The following MACROD2 variants were observed in gnomAD, a reference collection of about 807,000 sequenced individuals.
MACROD2 encodes ADP-ribose glycohydrolase MACROD2.
In MACROD2, 36 loss-of-function variants were observed where a neutral mutation model predicts 70.4. The ratio of observed to expected loss-of-function variants is 0.51; its 90% confidence interval spans 0.39 to 0.68. MACROD2 has a LOEUF of 0.68. MACROD2 is among the 30% of genes least tolerant of loss of function. The pLI, the probability that MACROD2 is intolerant of heterozygous loss-of-function variation, is 0.00. For missense variants in MACROD2, 496 were observed against 538.4 expected, an observed-to-expected ratio of 0.92 and a Z score of 0.78; for synonymous variants, 172 against 178.8, an observed-to-expected ratio of 0.96 and a Z score of 0.30.
At chr20:14,766,637 G>GA (rs2072093350) in intron 5 of MACROD2, among the ~76,000 whole-genome samples, 1 of 152,060 alleles carries the variant, frequency 6.6e-6, no homozygotes, top group African/African-American at 2.4e-5. Context: ...GAAAGAAAAA[G>GA]AAAAATGGTT....
At chr20:14,978,171 T>C (rs929767583) in intron 5 of MACROD2, among the ~76,000 whole-genome samples, 2 of 152,140 alleles carry the variant, frequency 1.3e-5, no homozygotes, top group African/African-American at 4.8e-5. Flanking sequence ...ATCAACTGTT[T>C]AAGTGAGAAG....
intron 2 of MACROD2, among the ~76,000 whole-genome samples, chr20:14,049,841 T>G (rs2053539745): frequency 6.6e-6 from 1 of 151,922 alleles, no homozygotes; most frequent in African/African-American, 2.4e-5. Context: ...CCCAGCTCTT[T>G]GGGAGGCCGA....
chr20:15,469,262 A>T (rs1175486572), intron 7 of MACROD2, among the ~76,000 whole-genome samples: 1 of 152,222 alleles, frequency 6.6e-6, no homozygotes, highest in East Asian at 1.9e-4. Flanking sequence ...GTCAGAGATG[A>T]GCAAAAGAAA....
chr20:14,325,738 C>G, intron 3 of MACROD2: 1 of 1,613,912 alleles, frequency 6.2e-7, no homozygotes, highest in Non-Finnish European at 8.5e-7. Context: ...AGAAGTTTCC[C>G]TGATTTCCAG....
intron 5 of MACROD2, among the ~76,000 whole-genome samples, chr20:15,177,684 G>A (rs959507034): frequency 6.6e-6 from 1 of 152,146 alleles, no homozygotes; most frequent in Non-Finnish European, 1.5e-5. Flanking sequence ...AAATGCACCT[G>A]TACAATTTAC....
chr20:15,873,397 G>T (rs1485523677), intron 9 of MACROD2, among the ~76,000 whole-genome samples: 1 of 152,068 alleles, frequency 6.6e-6, no homozygotes, highest in African/African-American at 2.4e-5. Flanking sequence ...TGAAAAAAAG[G>T]TAATTAATGG....
chr20:14,599,267 A>G (rs371792315), intron 4 of MACROD2, among the ~76,000 whole-genome samples: 6 of 152,302 alleles, frequency 3.9e-5, no homozygotes, highest in Non-Finnish European at 5.9e-5. Context: ...GTTGTGCCCT[A>G]TTAAAATGCA....
intron 2 of MACROD2, among the ~76,000 whole-genome samples, chr20:14,004,016 A>C (rs1442821556): frequency 6.6e-6 from 1 of 152,192 alleles, no homozygotes; most frequent in East Asian, 1.9e-4. Context: ...CTACAGGTCG[A>C]GTATCCCTTA....
intron 3 of MACROD2, among the ~76,000 whole-genome samples, chr20:14,179,296 T>G (rs2081288627): frequency 6.6e-6 from 1 of 152,218 alleles, no homozygotes; most frequent in African/African-American, 2.4e-5. Flanking sequence ...ATGTTACTAT[T>G]TCTGAGATTT....
intron 15 of MACROD2, among the ~76,000 whole-genome samples, chr20:16,033,593 A>G (rs896637544): frequency 3.3e-5 from 5 of 152,090 alleles, no homozygotes. Flanking sequence ...CATTTATGAT[A>G]GTCAGTCATT....
chr20:14,589,935 T>G (rs1285094836), intron 4 of MACROD2, among the ~76,000 whole-genome samples: 1 of 152,212 alleles, frequency 6.6e-6, no homozygotes, highest in Non-Finnish European at 1.5e-5. Context: ...CTGTGAGACA[T>G]GTGCTTTGAG....
At chr20:14,797,071 C>G (rs2072518322) in intron 5 of MACROD2, among the ~76,000 whole-genome samples, 1 of 152,008 alleles carries the variant, frequency 6.6e-6, no homozygotes, top group East Asian at 1.9e-4. Context: ...TATACTCTCC[C>G]TTGCTACCAT....
chr20:14,766,404 G>A lies in MACROD2; in HGVS notation c.418+81445G>A, dbSNP rs191545737. On this transcript the variant is annotated intron_variant, in intron 5 of 17. Transcript: ENST00000684519. ...GAATCCCAGTGATAGTGCTGGAAGTGCTGATAAAGTGAACACTTGGTGGTA... is the reference window on the plus strand; with the variant it reads ...GAATCCCAGTGATAGTGCTGGAAGTACTGATAAAGTGAACACTTGGTGGTA... Among the ~76,000 whole-genome samples, 247 of 152,230 alleles carry A rather than the reference G, an allele frequency of 1.6e-3. 1 individual carries two copies. Among genetic ancestry groups the A allele is most frequent in the African/African-American group, 5.5e-3 (230 of 41,506 alleles).
intron 2 of MACROD2, among the ~76,000 whole-genome samples, chr20:14,065,039 G>A (rs1162865327): frequency 3.3e-5 from 5 of 152,150 alleles, no homozygotes; most frequent in Non-Finnish European, 5.9e-5. Flanking sequence ...GCAGAGATTA[G>A]CATTATTTAA....
intron 12 of MACROD2, among the ~76,000 whole-genome samples, chr20:15,948,311 C>A (rs1430952829): frequency 6.9e-6 from 1 of 144,130 alleles, no homozygotes; most frequent in Non-Finnish European, 1.5e-5. Context: ...GCATATAAAC[C>A]CAGGCATTCG....
At chr20:15,598,659 G>A (rs17694374) in intron 8 of MACROD2, among the ~76,000 whole-genome samples, 11,345 of 152,216 alleles carry the variant, frequency 0.075, 590 homozygotes, top group Non-Finnish European at 0.11. Context: ...GCATTCAGAG[G>A]GAAGATAAGC....
At chr20:15,616,365 A>G (rs1386099042) in intron 8 of MACROD2, among the ~76,000 whole-genome samples, 1 of 152,054 alleles carries the variant, frequency 6.6e-6, no homozygotes, top group African/African-American at 2.4e-5. Flanking sequence ...CGGCCTCCCA[A>G]AGTGCTAGGA....
chr20:14,923,819 G>A (rs1009507697), intron 5 of MACROD2, among the ~76,000 whole-genome samples: 1 of 148,160 alleles, frequency 6.7e-6, no homozygotes, highest in Non-Finnish European at 1.5e-5. Context: ...GGGCGGGGAG[G>A]GGGTGGAGGG....
chr20:15,882,997 A>G (rs2064776233), intron 9 of MACROD2, among the ~76,000 whole-genome samples: 1 of 151,808 alleles, frequency 6.6e-6, no homozygotes, highest in Admixed American at 6.6e-5. Context: ...ATGTATTTGC[A>G]TGTCTTGGTT....
Sources: gnomAD v4.1 joint callset for allele counts (sites outside exome capture counted in the v4.1 genomes callset) on GRCh38, gnomAD v4.1.1 for gene constraint, MANE v1.5 for transcripts, NCBI Gene and HGNC (gene_info 2026-07-23, HGNC 2026-07-21) for gene names.